Variants in PPP1R1C observed in about 807,000 individuals in gnomAD.
PPP1R1C encodes protein phosphatase 1 regulatory inhibitor subunit 1C.
In PPP1R1C, 15 loss-of-function variants were observed where a neutral mutation model predicts 17.4. The ratio of observed to expected loss-of-function variants is 0.86; its 90% CI spans 0.58 to 1.33. PPP1R1C has a LOEUF of 1.33. Ranked by LOEUF, PPP1R1C falls within the 40% of genes most tolerant of loss-of-function variation. The probability of loss-of-function intolerance (pLI) is 0.00; values close to 1 mark genes in which losing one functional copy is unlikely to be tolerated. For synonymous variants in PPP1R1C, 35 were observed against 43.1 expected, an observed-to-expected ratio of 0.81 and a Z score of 0.73; for missense variants, 143 against 130.0, an observed-to-expected ratio of 1.10 and a Z score of -0.48.
At chr2:182,065,531 G>T (rs1687961025) in intron 4 of PPP1R1C, among the ~76,000 whole-genome samples, 1 of 152,082 alleles carries the variant, frequency 6.6e-6, no homozygotes, top group African/African-American at 2.4e-5. Flanking sequence ...TCTTCAAATT[G>T]CAGTTGAATG....
intron 4 of PPP1R1C, among the ~76,000 whole-genome samples, chr2:182,068,558 C>T (rs1019439803): frequency 9.2e-5 from 14 of 152,144 alleles, no homozygotes; most frequent in Admixed American, 7.9e-4. Flanking sequence ...AGCCTCAGGT[C>T]GGCGTGTGAA....
chr2:182,125,971 T>A (rs1689863013), intron 5 of PPP1R1C, among the ~76,000 whole-genome samples: 2 of 152,150 alleles, frequency 1.3e-5, no homozygotes, highest in East Asian at 3.8e-4. Flanking sequence ...ATTTGTTTGT[T>A]CTTGCTTCTC....
In PPP1R1C at chr2:182,030,041, C is replaced by T. The variant is rs1436108851; in HGVS notation, c.143-31401C>T. 1.1e-4 allele frequency among the ~76,000 whole-genome samples: 13 copies of T among 115,992 alleles called. No homozygotes were observed. In the East Asian group the frequency reaches 3.2e-3, roughly 29 times the overall value. 76.1% of individuals were successfully genotyped at this position (115,992 alleles called of 152,430 possible). On this transcript the variant is annotated intron_variant, in intron 2 of 4. Transcript: ENST00000682840. Reference sequence around the variant, plus strand: ...GCTTCTGCATTCTTCACGTAGTTCTCGAGCCTTGGTTTTCAGCTCCATCAG... The same window carrying T: ...GCTTCTGCATTCTTCACGTAGTTCTTGAGCCTTGGTTTTCAGCTCCATCAG...
intron 4 of PPP1R1C, chr2:182,103,801 CTG>C (rs1689170343): frequency 6.6e-6 from 1 of 152,230 alleles, no homozygotes; most frequent in African/African-American, 2.4e-5. Context: ...GAGAAACAAA[CTG>C]AGTGGAGGCC....
At chr2:181,987,691 A>C in intron 1 of PPP1R1C, 148 bp from the exon 2 acceptor site, 1 of 690,946 alleles carries the variant, frequency 1.4e-6, no homozygotes, top group Non-Finnish European at 2.5e-6. Flanking sequence ...TTTCAAAATA[A>C]AATTAGTGAG....
chr2:181,998,221 T>C (rs967908844), intron 2 of PPP1R1C, among the ~76,000 whole-genome samples: 8 of 152,220 alleles, frequency 5.3e-5, no homozygotes, highest in African/African-American at 1.9e-4. Context: ...TGGCATTGGT[T>C]GTGTTGCTGG....
intron 5 of PPP1R1C, among the ~76,000 whole-genome samples, chr2:182,128,498 G>A (rs1689930041): frequency 2.0e-5 from 3 of 152,066 alleles, no homozygotes. Context: ...AAGGAAAAAA[G>A]AAGAGATGAG....
At chr2:182,007,276 A>T (rs1685950485) in intron 2 of PPP1R1C, among the ~76,000 whole-genome samples, 1 of 152,114 alleles carries the variant, frequency 6.6e-6, no homozygotes, top group Admixed American at 6.6e-5. Flanking sequence ...ATACCACATA[A>T]CTGATTTCTC....
chr2:182,013,579 C>T (rs1266829870), intron 2 of PPP1R1C, among the ~76,000 whole-genome samples: 1 of 152,012 alleles, frequency 6.6e-6, no homozygotes, highest in Non-Finnish European at 1.5e-5. Context: ...TTCTCTAGGT[C>T]TGGGAAGTTT....
At chr2:182,110,904 A>C (rs760749124) in intron 4 of PPP1R1C, among the ~76,000 whole-genome samples, 2 of 152,094 alleles carry the variant, frequency 1.3e-5, no homozygotes, top group Non-Finnish European at 1.5e-5. Flanking sequence ...TGGGGAATGC[A>C]TTAGCTTCAG....
intron 1 of PPP1R1C, among the ~76,000 whole-genome samples, chr2:181,969,584 AG>A (rs1427224341): frequency 2.6e-5 from 4 of 152,112 alleles, no homozygotes; most frequent in Non-Finnish European, 5.9e-5. Flanking sequence ...ATCTTGAGGT[AG>A]TCTTATTTGA....
intron 4 of PPP1R1C, among the ~76,000 whole-genome samples, chr2:182,078,168 C>G (rs1237596161): frequency 1.3e-5 from 2 of 152,132 alleles, no homozygotes; most frequent in Non-Finnish European, 1.5e-5. Context: ...TGAAAAGAAC[C>G]TGAGCCCCTT....
chr2:182,067,081 G>A (rs1292796095), intron 4 of PPP1R1C, among the ~76,000 whole-genome samples: 1 of 151,974 alleles, frequency 6.6e-6, no homozygotes, highest in African/African-American at 2.4e-5. Flanking sequence ...AAACAAAGCA[G>A]CTGACTTAAA....
chr2:182,097,349 C>T (rs1197349717), intron 4 of PPP1R1C, among the ~76,000 whole-genome samples: 1 of 152,180 alleles, frequency 6.6e-6, no homozygotes, highest in Non-Finnish European at 1.5e-5. Flanking sequence ...CATACACTCA[C>T]ACATCACACA....
At chr2:182,066,039 C>T (rs1229344653) in intron 4 of PPP1R1C, among the ~76,000 whole-genome samples, 1 of 152,066 alleles carries the variant, frequency 6.6e-6, no homozygotes, top group Admixed American at 6.6e-5. Flanking sequence ...CTTGTGGAGA[C>T]TTCAATTATG....
chr2:182,051,787 G>A (rs1304264882), intron 2 of PPP1R1C, among the ~76,000 whole-genome samples: 6 of 152,106 alleles, frequency 3.9e-5, no homozygotes, highest in Non-Finnish European at 8.8e-5. Context: ...TGATATTAGA[G>A]TGTATATGAG....
chr2:182,002,052 C>A (rs370493587), intron 2 of PPP1R1C, among the ~76,000 whole-genome samples: 1 of 152,078 alleles, frequency 6.6e-6, no homozygotes, highest in African/African-American at 2.4e-5. Flanking sequence ...ACATGCGTAT[C>A]ATTGTGGACA....
chr2:182,126,570 A>C (rs1279556381), intron 5 of PPP1R1C, among the ~76,000 whole-genome samples: 2 of 152,076 alleles, frequency 1.3e-5, no homozygotes, highest in Non-Finnish European at 2.9e-5. Flanking sequence ...TAAACATCTC[A>C]CGTAATATGT....
At chr2:182,076,822 A>C (rs1447735998) in intron 4 of PPP1R1C, among the ~76,000 whole-genome samples, 1 of 152,206 alleles carries the variant, frequency 6.6e-6, no homozygotes, top group African/African-American at 2.4e-5. Flanking sequence ...TAAATAACAC[A>C]TCTGTAAATC....
Sources: gnomAD v4.1 joint callset for allele counts (sites outside exome capture counted in the v4.1 genomes callset) on GRCh38, gnomAD v4.1.1 for gene constraint, MANE v1.5 for transcripts, NCBI Gene and HGNC (gene_info 2026-07-23, HGNC 2026-07-21) for gene names.